ZNF718: variants seen among roughly 807,000 people sequenced by gnomAD.
ZNF718 encodes the protein zinc finger protein 718.
ZNF718 carries 3 observed loss-of-function variants against 2.6 expected under a neutral mutation model. That is an observed-to-expected ratio of 1.16 (90% confidence interval 0.53 to 3.01). The LOEUF is 3.01. Ranked by LOEUF, ZNF718 falls within the 30% of genes most tolerant of loss-of-function variation. The probability of loss-of-function intolerance (pLI) is 0.03; values close to 1 mark genes in which losing one functional copy is unlikely to be tolerated. For synonymous variants in ZNF718, 135 were observed against 77.9 expected (o/e 1.73, Z -3.86); for missense variants, 468 against 230.0 (o/e 2.03, Z -6.69).
chr4:169,578 T>C (rs1400835720), intron 3 of ZNF718, among the ~76,000 whole-genome samples: 4 of 152,244 alleles, frequency 2.6e-5, no homozygotes, highest in African/African-American at 9.6e-5. Flanking sequence ...GTTATTCTTG[T>C]TGAATTGATC....
intron 3 of ZNF718, among the ~76,000 whole-genome samples, chr4:134,247 C>T (rs548299368): frequency 9.2e-5 from 14 of 152,214 alleles, no homozygotes; most frequent in African/African-American, 3.4e-4. Flanking sequence ...CCCGGGTTCA[C>T]ACCATTCTCC....
At chr4:154,501 G>A (rs1020524577) in intron 3 of ZNF718, among the ~76,000 whole-genome samples, 1 of 152,150 alleles carries the variant, frequency 6.6e-6, no homozygotes, top group Admixed American at 6.5e-5. Context: ...GCTCTCAGGT[G>A]GAGATGAGGA....
downstream of ZNF718, among the ~76,000 whole-genome samples, chr4:168,311 C>CT (rs1328255034): frequency 2.0e-5 from 3 of 152,090 alleles, no homozygotes; most frequent in African/African-American, 2.4e-5. Flanking sequence ...CTAAAATTCT[C>CT]TTTTTTTGTT....
intron 3 of ZNF718, among the ~76,000 whole-genome samples, chr4:134,235 C>T (rs7660115): frequency 0.53 from 80,563 of 151,800 alleles, 21,682 homozygotes; most frequent in East Asian, 0.78. Flanking sequence ...CAAGGTCTGC[C>T]TCCCGGGTTC....
intron 3 of ZNF718, among the ~76,000 whole-genome samples, chr4:181,935 G>A (rs375707883): frequency 3.9e-5 from 6 of 151,966 alleles, no homozygotes; most frequent in African/African-American, 4.8e-5. Flanking sequence ...CAGTTCCTGC[G>A]TTAATTTGCT....
intron 3 of ZNF718, among the ~76,000 whole-genome samples, chr4:145,046 C>T (rs1715989078): frequency 6.6e-6 from 1 of 151,726 alleles, no homozygotes; most frequent in Non-Finnish European, 1.5e-5. Flanking sequence ...CACTAATTCC[C>T]AGTGTGGGAA....
chr4:150,815 A>C (rs1716282099), intron 3 of ZNF718, among the ~76,000 whole-genome samples: 1 of 152,184 alleles, frequency 6.6e-6, no homozygotes, highest in Non-Finnish European at 1.5e-5. Flanking sequence ...AAAATTAAAA[A>C]TAGAACTAAC....
downstream of ZNF718, among the ~76,000 whole-genome samples, chr4:168,849 T>G (rs1394658974): frequency 3.3e-5 from 5 of 152,232 alleles, no homozygotes; most frequent in African/African-American, 4.8e-5. Flanking sequence ...TGTCTCTATC[T>G]CCTTCAATTC....
At chr4:133,421 G>GTA (rs1553808703) in intron 3 of ZNF718, among the ~76,000 whole-genome samples, 2 of 151,928 alleles carry the variant, frequency 1.3e-5, no homozygotes, top group Non-Finnish European at 2.9e-5. Context: ...ATTGCTAAGT[G>GTA]TATAGTAAGC....
At position 161,521 on chromosome 4, in the gene ZNF718, C is replaced by T. The variant is rs781994377; in HGVS notation, c.836C>T (p.Ala279Val). 2.6e-6 allele frequency: 2 copies of T among 780,084 alleles called. No homozygotes were observed. The highest frequency in any genetic ancestry group is 2.4e-6 in the Non-Finnish European group (1 of 417,798). The allele number at this position is 780,084 out of a possible 1,614,324, so 48.3% of individuals were successfully genotyped here. The change falls in exon 4 of 4, where the codon GCA (alanine) becomes GTA (valine). Residue 279 changes from alanine (A) to valine (V), a missense_variant. Coordinates refer to ENST00000510175, the MANE Select transcript of ZNF718 (RefSeq NM_001039127.6). ...TLNLHKRIHS[A>V]QKYYKCEECG... is the part of the protein sequence containing the mutation. ...AATTTACATAAGAGAATTCATTCTGCACAAAAATACTACAAATGTGAAGAA... is the reference window on the plus strand; with the variant it reads ...AATTTACATAAGAGAATTCATTCTGTACAAAAATACTACAAATGTGAAGAA...
At chr4:196,559 G>A (rs1475673716) in intron 3 of ZNF718, among the ~76,000 whole-genome samples, 2 of 152,202 alleles carry the variant, frequency 1.3e-5, no homozygotes, top group Admixed American at 6.5e-5. Context: ...CAGGACCCAG[G>A]AGGTATGGGT....
At chr4:165,981 A>G (rs1717077898), downstream of ZNF718, among the ~76,000 whole-genome samples, 1 of 152,088 alleles carries the variant, frequency 6.6e-6, no homozygotes, top group South Asian at 2.1e-4. Context: ...AATATTAGAT[A>G]TATCTCCTAA....
At chr4:133,350 T>C (rs1416692501) in intron 3 of ZNF718, among the ~76,000 whole-genome samples, 2 of 151,958 alleles carry the variant, frequency 1.3e-5, no homozygotes, top group Non-Finnish European at 1.5e-5. Context: ...CCACCACTGA[T>C]TTAAGGTATC....
intron 3 of ZNF718, among the ~76,000 whole-genome samples, chr4:188,395 C>G (rs1553820685): frequency 6.6e-6 from 1 of 152,214 alleles, no homozygotes; most frequent in Non-Finnish European, 1.5e-5. Flanking sequence ...TGGCCCTCCC[C>G]CAGGGGCTCT....
At chr4:170,919 A>T (rs577624728) in intron 3 of ZNF718, among the ~76,000 whole-genome samples, 1 of 151,884 alleles carries the variant, frequency 6.6e-6, no homozygotes, top group East Asian at 1.9e-4. Context: ...GGGCAGAGGC[A>T]CTCTGATTTT....
intron 3 of ZNF718, among the ~76,000 whole-genome samples, chr4:156,089 G>A (rs1553813620): frequency 6.6e-6 from 1 of 151,992 alleles, no homozygotes; most frequent in Admixed American, 6.6e-5. Flanking sequence ...TGATTTTGAG[G>A]CCACCCCAGC....
chr4:197,797 T>G (rs2108818809), intron 3 of ZNF718, among the ~76,000 whole-genome samples: 2 of 152,312 alleles, frequency 1.3e-5, no homozygotes, highest in East Asian at 3.9e-4. Context: ...TGTGTTTCAT[T>G]GTGTCTCTTC....
At chr4:194,039 C>T (rs188200001) in intron 3 of ZNF718, among the ~76,000 whole-genome samples, 3 of 152,304 alleles carry the variant, frequency 2.0e-5, no homozygotes, top group Admixed American at 6.5e-5. Context: ...TGCCTGAAGG[C>T]CATGACTAAG....
In ZNF718 at chr4:161,109, A is replaced by C; in HGVS notation, c.424A>C (p.Thr142Pro). Reference protein sequence around the residue: ...NQCLLTTQKKTIQSNICVKVF... With the variant: ...NQCLLTTQKKPIQSNICVKVF... ...ATGCTTATTAACTACCCAGAAAAAAACAATTCAATCTAATATATGTGTCAA... is the reference window on the plus strand; with the variant it reads ...ATGCTTATTAACTACCCAGAAAAAACCAATTCAATCTAATATATGTGTCAA... Residue 142 changes from threonine (T) to proline (P), a missense_variant, in exon 4 of 4, where the codon ACA becomes CCA. By Grantham distance (38) the Thr-to-Pro change is conservative (BLOSUM62 -1). Coordinates refer to ENST00000510175, the MANE Select transcript of ZNF718 (RefSeq NM_001039127.6). The C allele has an allele frequency of 1.3e-6, 1 of 766,704 alleles. No individual in the cohort carries two copies. Among genetic ancestry groups the C allele is most frequent in the Non-Finnish European group, 2.4e-6 (1 of 410,246 alleles). The allele number at this position is 766,704 out of a possible 1,614,324, so 47.5% of individuals were successfully genotyped here.
Sources: allele counts gnomAD v4.1 joint callset (sites outside exome capture counted in the v4.1 genomes callset), GRCh38; gene constraint gnomAD v4.1.1; transcripts MANE v1.5; gene names NCBI Gene and HGNC (gene_info 2026-07-23, HGNC 2026-07-21).